ODAD2: variants seen among roughly 807,000 people sequenced by gnomAD.
The protein encoded by ODAD2 is outer dynein arm-docking complex subunit 2.
In ODAD2, 89 loss-of-function variants were observed where a neutral mutation model predicts 106.8. The ratio of observed to expected loss-of-function variants is 0.83; its 90% CI spans 0.70 to 0.99. The LOEUF (loss-of-function observed/expected upper bound fraction) is 0.99, where lower values mean the gene tolerates loss of function less well. Ranked by LOEUF, ODAD2 falls within the 50% of genes least tolerant of loss-of-function variation. The pLI, the probability that ODAD2 is intolerant of heterozygous loss-of-function variation, is 0.00. For missense variants in ODAD2, 1,168 were observed against 1,238.5 expected (o/e 0.94, Z 0.85); for synonymous variants, 404 against 436.2 (o/e 0.93, Z 0.92).
chr10:27,907,115 T>C (rs935392931), intron 17 of ODAD2, among the ~76,000 whole-genome samples: 4 of 152,170 alleles, frequency 2.6e-5, no homozygotes, highest in South Asian at 2.1e-4. Flanking sequence ...GGCTCAAAAG[T>C]GATCTTCAAA....
intron 19 of ODAD2, among the ~76,000 whole-genome samples, chr10:27,849,397 T>C (rs1489859464): frequency 7.7e-6 from 1 of 130,172 alleles, no homozygotes; most frequent in Non-Finnish European, 1.6e-5. Context: ...TACCGGGGCC[T>C]GTCGTGGGGT....
intron 16 of ODAD2, among the ~76,000 whole-genome samples, chr10:27,911,400 G>T (rs1337624920): frequency 1.3e-5 from 2 of 152,200 alleles, no homozygotes; most frequent in Non-Finnish European, 2.9e-5. Flanking sequence ...AAAGTTTAGA[G>T]ACTGTATGAA....
chr10:27,850,458 A>G (rs1839172772), intron 19 of ODAD2, among the ~76,000 whole-genome samples: 1 of 151,548 alleles, frequency 6.6e-6, no homozygotes, highest in South Asian at 2.1e-4. Flanking sequence ...AAAAAAAAAA[A>G]AAAAAAAAGA....
intron 17 of ODAD2, among the ~76,000 whole-genome samples, chr10:27,870,390 AC>A (rs1840774022): frequency 6.6e-6 from 1 of 152,112 alleles, no homozygotes; most frequent in Admixed American, 6.5e-5. Flanking sequence ...GTTCTAGGGT[AC>A]ATGTGCTCAA....
intron 19 of ODAD2, among the ~76,000 whole-genome samples, chr10:27,840,035 C>T (rs888034582): frequency 6.6e-6 from 1 of 152,098 alleles, no homozygotes; most frequent in Non-Finnish European, 1.5e-5. Context: ...CGATTTAACT[C>T]ACAAAGCTTG....
chr10:27,897,031 CTT>C (rs1038316062), intron 17 of ODAD2, among the ~76,000 whole-genome samples: 1 of 152,162 alleles, frequency 6.6e-6, no homozygotes, highest in Non-Finnish European at 1.5e-5. Context: ...TTAATGTACT[CTT>C]TTCACTTTTC....
chr10:27,933,995 G>A (rs1325249731), intron 16 of ODAD2, among the ~76,000 whole-genome samples: 1 of 152,116 alleles, frequency 6.6e-6, no homozygotes, highest in African/African-American at 2.4e-5. Flanking sequence ...GACCCGGTGG[G>A]AGTTAATTGA....
intron 19 of ODAD2, among the ~76,000 whole-genome samples, chr10:27,815,927 T>C (rs1044491484): frequency 2.0e-5 from 3 of 152,180 alleles, no homozygotes; most frequent in Admixed American, 6.5e-5. Context: ...CTTAATAGAT[T>C]CCAAATGAAA....
rs184481844 is a variant in ODAD2 at position 27,994,246 on chromosome 10, C to G, written c.224+673G>C. 2.0e-3 allele frequency among the ~76,000 whole-genome samples: 299 copies of G among 151,980 alleles called. 2 individuals carry two copies. Among genetic ancestry groups the G allele is most frequent in the African/African-American group, 6.4e-3 (267 of 41,438 alleles). On this transcript the variant is annotated intron_variant, in intron 2 of 19. Coordinates refer to ENST00000305242, the MANE Select transcript of ODAD2 (RefSeq NM_018076.5). The stretch of plus-strand genomic sequence containing the variant: ...CCAGTAATTCTTAAGAATTCTCTCC[C>G]TTATATTGGGCAAAATCAAAATTCA...
At chr10:27,925,900 G>A (rs75072627) in intron 16 of ODAD2, among the ~76,000 whole-genome samples, 3,536 of 151,636 alleles carry the variant, frequency 0.023, 111 homozygotes, top group African/African-American at 0.071. Flanking sequence ...GTAACATTTG[G>A]GAGGCTGAGA....
At chr10:27,882,072 G>C (rs958287890) in intron 17 of ODAD2, among the ~76,000 whole-genome samples, 3 of 151,936 alleles carry the variant, frequency 2.0e-5, no homozygotes, top group Admixed American at 6.6e-5. Context: ...AGGAGGCTGA[G>C]GTGGGAGGAT....
chr10:27,812,388 T>A lies in ODAD2; in HGVS notation c.*124A>T. 1 of 795,552 alleles carries A rather than the reference T, an allele frequency of 1.3e-6. No homozygotes were observed. The highest frequency in any genetic ancestry group is 1.8e-5 in the South Asian group (1 of 54,872). 49.3% of individuals were successfully genotyped at this position (795,552 alleles called of 1,614,324 possible). ...ACATTCTGTGCATTTTCAATTTGTG[T>A]GTTTTCATTTAGATGGTTGAAAGGG... is the stretch of plus-strand genomic sequence containing the variant. On this transcript the variant is annotated 3_prime_UTR_variant, in exon 20 of 20. Transcript: ENST00000305242.
intron 17 of ODAD2, among the ~76,000 whole-genome samples, chr10:27,875,905 G>T (rs151187273): frequency 1.3e-5 from 2 of 152,164 alleles, no homozygotes; most frequent in African/African-American, 4.8e-5. Flanking sequence ...TATATCGCAC[G>T]CCTGGCTCGG....
At chr10:27,879,768 C>T (rs377679587) in intron 17 of ODAD2, among the ~76,000 whole-genome samples, 18 of 152,164 alleles carry the variant, frequency 1.2e-4, no homozygotes, top group Admixed American at 1.2e-3. Context: ...AGTCTACTAA[C>T]TCATAATGAA....
chr10:27,885,714 T>TGA (rs1491302428), intron 17 of ODAD2, among the ~76,000 whole-genome samples: 1 of 57,868 alleles, frequency 1.7e-5, no homozygotes, highest in Non-Finnish European at 3.0e-5. Context: ...AAAATATATA[T>TGA]TATATATTAT....
intron 19 of ODAD2, among the ~76,000 whole-genome samples, chr10:27,858,304 T>C (rs1326677527): frequency 6.6e-6 from 1 of 152,028 alleles, no homozygotes; most frequent in Non-Finnish European, 1.5e-5. Context: ...CAGAACAGAG[T>C]AGGAAGAAGA....
chr10:27,885,090 T>C, intron 17 of ODAD2, among the ~76,000 whole-genome samples: 1 of 151,694 alleles, frequency 6.6e-6, no homozygotes, highest in East Asian at 1.9e-4. Context: ...AGAAAATACA[T>C]CAGACTTACT....
In ODAD2 at chr10:27,987,442, C is replaced by T. The variant is rs370420018; in HGVS notation, c.326G>A (p.Arg109His). The change falls in exon 3 of 20, where the codon CGC becomes CAC. Residue 109 changes from arginine (R) to histidine (H), a missense_variant. By Grantham distance (29) the Arg-to-His change is conservative. Transcript: ENST00000305242. ...CCCAGTTTTGGCAATAAGTAACAAGCGTGACAGCTGCCCAAAGCTCCTAAT... is the reference window on the plus strand; with the variant it reads ...CCCAGTTTTGGCAATAAGTAACAAGTGTGACAGCTGCCCAAAGCTCCTAAT... ...IKIRSFGQLS[R>H]LLLIAKTGKL... 2.5e-6 allele frequency: 4 copies of T among 1,613,834 alleles called. No individual in the cohort carries two copies. Among genetic ancestry groups the T allele is most frequent in the Middle Eastern group, 1.6e-4 (1 of 6,062 alleles).
In ODAD2 at chr10:27,985,214, G is replaced by GA; in HGVS notation, c.383-4_383-3insT. ...TTTTACTATGGGGTCTCTGTTAGCTGCCAAAAAAAAAAAAAAGGAGACAAA... is the reference window on the plus strand; with the variant it reads ...TTTTACTATGGGGTCTCTGTTAGCTGACCAAAAAAAAAAAAAAGGAGACAAA... On this transcript the variant is annotated splice_polypyrimidine_tract_variant and splice_region_variant and intron_variant, in intron 3 of 19. Transcript: ENST00000305242. 7.2e-7 allele frequency: 1 copy of GA among 1,391,168 alleles called. No individual in the cohort carries two copies. Among genetic ancestry groups the GA allele is most frequent in the South Asian group, 1.6e-5 (1 of 62,328 alleles). The allele number at this position is 1,391,168 out of a possible 1,614,324, so 86.2% of individuals were successfully genotyped here.
Sources: allele counts gnomAD v4.1 joint callset (sites outside exome capture counted in the v4.1 genomes callset), GRCh38; gene constraint gnomAD v4.1.1; transcripts MANE v1.5; gene names NCBI Gene and HGNC (gene_info 2026-07-23, HGNC 2026-07-21).